Variants in RIN3 observed in about 807,000 individuals in gnomAD.
RIN3 encodes the protein RAB5 interacting protein 3.
In RIN3, 54 loss-of-function variants were observed where a neutral mutation model predicts 76.3. The ratio of observed to expected loss-of-function variants is 0.71; its 90% confidence interval spans 0.57 to 0.89. The LOEUF (loss-of-function observed/expected upper bound fraction) is 0.89, where lower values mean the gene tolerates loss of function less well. RIN3 is among the 40% of genes least tolerant of loss of function. RIN3 has a pLI of 0.00. For synonymous variants in RIN3, 576 were observed against 564.0 expected, an observed-to-expected ratio of 1.02 and a Z score of -0.30; for missense variants, 1,256 against 1,322.1, an observed-to-expected ratio of 0.95 and a Z score of 0.78.
chr14:92,611,813 G>A (rs1233860699), intron 3 of RIN3, among the ~76,000 whole-genome samples: 1 of 152,134 alleles, frequency 6.6e-6, no homozygotes, highest in African/African-American at 2.4e-5. Flanking sequence ...AAAGAGACTG[G>A]GTAATTTGTA....
At chr14:92,610,561 C>T (rs976189671) in intron 3 of RIN3, among the ~76,000 whole-genome samples, 17 of 152,104 alleles carry the variant, frequency 1.1e-4, no homozygotes, top group Non-Finnish European at 1.6e-4. Flanking sequence ...AACACATGGG[C>T]GGCATTTCCC....
intron 1 of RIN3, among the ~76,000 whole-genome samples, chr14:92,546,430 G>T (rs989430273): frequency 6.6e-6 from 1 of 152,132 alleles, no homozygotes; most frequent in Admixed American, 6.6e-5. Flanking sequence ...GTTTACTATA[G>T]CCACTCCACT....
intron 3 of RIN3, among the ~76,000 whole-genome samples, chr14:92,592,981 G>GTTT (rs554732055): frequency 6.8e-6 from 1 of 147,534 alleles, no homozygotes; most frequent in African/African-American, 2.5e-5. Context: ...GCCAAAATTT[G>GTTT]TTTTTTTTTT....
At chr14:92,659,501 G>T in intron 7 of RIN3, 32 bp downstream of exon 7, 1 of 1,558,150 alleles carries the variant, frequency 6.4e-7, no homozygotes, top group South Asian at 1.2e-5. Context: ...GTCTGGGTGA[G>T]GAGCTCTCTT....
At chr14:92,649,279 G>A (rs964775558) in intron 5 of RIN3, among the ~76,000 whole-genome samples, 1 of 152,166 alleles carries the variant, frequency 6.6e-6, no homozygotes, top group African/African-American at 2.4e-5. Flanking sequence ...GAAGAGTCTG[G>A]AGGTGGGCAC....
intron 4 of RIN3, among the ~76,000 whole-genome samples, chr14:92,629,639 A>T (rs1886492806): frequency 6.6e-6 from 1 of 152,226 alleles, no homozygotes; most frequent in African/African-American, 2.4e-5. Flanking sequence ...GTAATAGTTG[A>T]TGCTAACAGC....
In RIN3 at chr14:92,673,264, G is replaced by A. The variant is rs72701811; in HGVS notation, c.2336-3211G>A. 4.7e-3 allele frequency among the ~76,000 whole-genome samples: 718 copies of A among 152,184 alleles called. 2 individuals are homozygous for A. The highest frequency in any genetic ancestry group is 0.012 in the South Asian group (56 of 4,818). On this transcript the variant is annotated intron_variant, in intron 7 of 9. Transcript: ENST00000216487. ...CCATGGTGTGCATGCACCACATTTT[G>A]CCTGTGTATCCACAAGTGATGGACA...
intron 3 of RIN3, among the ~76,000 whole-genome samples, chr14:92,602,256 A>G (rs1244314469): frequency 1.3e-5 from 2 of 152,348 alleles, no homozygotes; most frequent in Non-Finnish European, 1.5e-5. Flanking sequence ...TGCCCAGGCC[A>G]GTGGGAGGGG....
At chr14:92,609,393 G>A (rs1474139183) in intron 3 of RIN3, among the ~76,000 whole-genome samples, 1 of 152,116 alleles carries the variant, frequency 6.6e-6, no homozygotes, top group Non-Finnish European at 1.5e-5. Context: ...CATTGGGTTC[G>A]GCTGCCTGGT....
At chr14:92,678,178 C>A (rs1595506198) in intron 8 of RIN3, among the ~76,000 whole-genome samples, 1 of 150,168 alleles carries the variant, frequency 6.7e-6, no homozygotes, top group South Asian at 2.1e-4. Context: ...ATCCACCCAC[C>A]CATTCACCCA....
At chr14:92,575,191 C>T (rs1898187021) in intron 2 of RIN3, among the ~76,000 whole-genome samples, 1 of 151,978 alleles carries the variant, frequency 6.6e-6, no homozygotes, top group Non-Finnish European at 1.5e-5. Flanking sequence ...TATGATGATA[C>T]AGCAATATAG....
intron 1 of RIN3, among the ~76,000 whole-genome samples, chr14:92,549,991 G>A (rs1435661629): frequency 1.3e-5 from 2 of 152,224 alleles, no homozygotes; most frequent in Non-Finnish European, 1.5e-5. Context: ...GAGGGCGTGG[G>A]TGTCAGAGTG....
At chr14:92,597,895 A>G (rs1885207071) in intron 3 of RIN3, among the ~76,000 whole-genome samples, 1 of 152,222 alleles carries the variant, frequency 6.6e-6, no homozygotes, top group Non-Finnish European at 1.5e-5. Context: ...TCATAATAGC[A>G]GTCACTTGTT....
At chr14:92,550,001 G>A (rs1897380336) in intron 1 of RIN3, among the ~76,000 whole-genome samples, 1 of 152,204 alleles carries the variant, frequency 6.6e-6, no homozygotes, top group Admixed American at 6.5e-5. Context: ...GTGTCAGAGT[G>A]GCCGGCTCTG....
Position 92,555,888 on chromosome 14 carries a change from C to T in RIN3, c.182C>T (p.Pro61Leu), listed in dbSNP as rs199750099. 63 of 1,614,002 alleles carry T rather than the reference C, an allele frequency of 3.9e-5. No homozygotes were observed. Among genetic ancestry groups the T allele is most frequent in the Non-Finnish European group, 4.7e-5 (55 of 1,180,030 alleles). The change falls in exon 2 of 10, where the codon CCG (proline) becomes CTG (leucine). Residue 61 changes from proline (P) to leucine (L), a missense_variant. Coordinates refer to ENST00000216487, the MANE Select transcript of RIN3 (RefSeq NM_024832.5). Reference protein sequence around the residue: ...SILEKLIKTCPVWLQLSLGQA... With the variant: ...SILEKLIKTCLVWLQLSLGQA... ...CTGGAGAAGCTCATCAAAACATGCC[C>T]GGTGTGGCTGCAGCTGAGTCTGGGC...
At chr14:92,544,514 G>C (rs1450297970) in intron 1 of RIN3, among the ~76,000 whole-genome samples, 2 of 150,918 alleles carry the variant, frequency 1.3e-5, no homozygotes, top group East Asian at 2.0e-4. Flanking sequence ...GACTCATCTT[G>C]ATGACCTTCC....
In RIN3 at chr14:92,643,597, A is replaced by G. The variant is rs1178438144; in HGVS notation, c.532+2268A>G. On this transcript the variant is annotated intron_variant, in intron 5 of 9. Coordinates refer to ENST00000216487, the MANE Select transcript of RIN3 (RefSeq NM_024832.5). The surrounding 1 kb of genome is among the most constrained non-coding windows in gnomAD (Gnocchi z 4.8). ...TCGATGACACCGACCATTGCAGAGC[A>G]CTTGGCATTGTCTTATGTCATTTTT... Among the ~76,000 whole-genome samples the G allele has an allele frequency of 6.6e-6, 1 of 152,200 alleles. No homozygotes were observed. The highest frequency in any genetic ancestry group is 1.9e-4 in the East Asian group (1 of 5,192).
At chr14:92,581,025 G>A (rs1324557517) in intron 3 of RIN3, among the ~76,000 whole-genome samples, 13 of 152,206 alleles carry the variant, frequency 8.5e-5, no homozygotes, top group East Asian at 3.8e-4. Context: ...GAAGTCCAGC[G>A]GGGAAGAAAG....
intron 7 of RIN3, among the ~76,000 whole-genome samples, chr14:92,673,469 AAATT>A (rs1279027084): frequency 4.6e-5 from 7 of 152,204 alleles, no homozygotes; most frequent in Admixed American, 2.0e-4. Context: ...TAAAAAATAA[AAATT>A]AATGCAAAGA....
Sources: gnomAD v4.1 joint callset for allele counts (sites outside exome capture counted in the v4.1 genomes callset) on GRCh38, gnomAD v4.1.1 for gene constraint, Gnocchi (gnomAD v3.1) non-coding constraint, MANE v1.5 for transcripts, NCBI Gene and HGNC (gene_info 2026-07-23, HGNC 2026-07-21) for gene names.